The following EFCAB3 variants were observed in gnomAD, a reference collection of about 807,000 sequenced individuals.
EFCAB3 encodes EF-hand calcium binding domain 3, also known as EF-hand calcium-binding domain-containing protein 3.
A neutral mutation model predicts 42.2 loss-of-function variants in EFCAB3; 36 were observed. The observed-to-expected ratio is 0.85, with a 90% CI of 0.65 to 1.13. The LOEUF is 1.13. EFCAB3 is among the 50% of genes most tolerant of loss of function. The probability of loss-of-function intolerance (pLI) is 0.00; values close to 1 mark genes in which losing one functional copy is unlikely to be tolerated. For missense variants in EFCAB3, 418 were observed against 505.1 expected, an observed-to-expected ratio of 0.83 and a Z score of 1.65; for synonymous variants, 170 against 172.8, an observed-to-expected ratio of 0.98 and a Z score of 0.13.
intron 1 of EFCAB3, among the ~76,000 whole-genome samples, chr17:62,381,470 G>A (rs2070198028): frequency 6.6e-6 from 1 of 152,040 alleles, no homozygotes; most frequent in African/African-American, 2.4e-5. Flanking sequence ...TGGTCCATAA[G>A]CCCTGTTTCT....
At chr17:62,411,800 T>G (rs1292347851) in intron 8 of EFCAB3, among the ~76,000 whole-genome samples, 4 of 72,006 alleles carry the variant, frequency 5.6e-5, no homozygotes, top group Admixed American at 2.0e-4. Flanking sequence ...GAGAAAGAGA[T>G]GGAGGGAGGG....
intron 2 of EFCAB3, among the ~76,000 whole-genome samples, chr17:62,383,999 T>C (rs1172871018): frequency 6.6e-6 from 1 of 152,206 alleles, no homozygotes; most frequent in Non-Finnish European, 1.5e-5. Context: ...AATGAGAGCC[T>C]GATTTATATT....
At chr17:62,392,607 C>CT (rs2144080190) in intron 4 of EFCAB3, among the ~76,000 whole-genome samples, 1 of 151,962 alleles carries the variant, frequency 6.6e-6, no homozygotes, top group South Asian at 2.1e-4. Flanking sequence ...TGCCACAGCA[C>CT]TTTTGTTGGT....
chr17:62,400,656 C>G (rs1190391601), intron 6 of EFCAB3, among the ~76,000 whole-genome samples: 3 of 152,154 alleles, frequency 2.0e-5, no homozygotes, highest in Non-Finnish European at 2.9e-5. Context: ...GGTTCCAAGT[C>G]TTTGCTATTG....
chr17:62,411,359 A>G (rs1344547916), intron 8 of EFCAB3, among the ~76,000 whole-genome samples: 1 of 152,214 alleles, frequency 6.6e-6, no homozygotes, highest in Non-Finnish European at 1.5e-5. Flanking sequence ...GAATTTTTCT[A>G]AATTGATAAA....
rs1320045753 is a variant in EFCAB3 at position 62,380,641 on chromosome 17, A to G, written c.-18+28A>G. On this transcript the variant is annotated intron_variant, in intron 1 of 9. Coordinates refer to ENST00000305286, the MANE Select transcript of EFCAB3 (RefSeq NM_173503.4). ...AAATATCGTGATTTTGTAGGATTCT[A>G]TGCTAAGTCCTTTTTAAAAAATCTA... is the stretch of plus-strand genomic sequence containing the variant. The G allele has an allele frequency of 3.1e-6, 3 of 967,696 alleles. No individual in the cohort carries two copies. In the African/African-American group the frequency reaches 5.3e-5, roughly 17 times the overall value. The allele number at this position is 967,696 out of a possible 1,614,324, so 59.9% of individuals were successfully genotyped here. A position where few individuals can be genotyped will look rare whatever the true frequency, so the allele number is the denominator to read the frequency against.
intron 7 of EFCAB3, 118 bp downstream of exon 7, chr17:62,406,791 AC>A: frequency 9.2e-7 from 1 of 1,089,360 alleles, no homozygotes; most frequent in Non-Finnish European, 1.3e-6. Context: ...ATTCTGAGTG[AC>A]CACTCTCTGT....
intron 2 of EFCAB3, among the ~76,000 whole-genome samples, chr17:62,386,349 G>A (rs910564146): frequency 6.6e-6 from 1 of 151,960 alleles, no homozygotes; most frequent in African/African-American, 2.4e-5. Context: ...TAAATGAAAG[G>A]TCACCCAGGG....
chr17:62,408,947 G>A (rs2070471229), intron 8 of EFCAB3, among the ~76,000 whole-genome samples: 1 of 152,144 alleles, frequency 6.6e-6, no homozygotes, highest in African/African-American at 2.4e-5. Context: ...TGTCACTTTA[G>A]GAGGCCTCTC....
chr17:62,402,170 CAGCTTAAGGAGATT>C (rs1450465807), intron 6 of EFCAB3, among the ~76,000 whole-genome samples: 1 of 152,180 alleles, frequency 6.6e-6, no homozygotes, highest in Non-Finnish European at 1.5e-5. Context: ...AGTTGCTTAT[CAGCTTAAGGAGATT>C]TTGGGCTGAG....
chr17:62,376,607 T>C (rs932850673), upstream of EFCAB3, among the ~76,000 whole-genome samples: 1 of 152,222 alleles, frequency 6.6e-6, no homozygotes, highest in African/African-American at 2.4e-5. Flanking sequence ...GACATAGGCA[T>C]AATGGCAATG....
intron 3 of EFCAB3, among the ~76,000 whole-genome samples, chr17:62,389,684 C>G (rs1304008286): frequency 6.6e-6 from 1 of 152,148 alleles, no homozygotes; most frequent in Non-Finnish European, 1.5e-5. Flanking sequence ...TATCCATATA[C>G]TCTGCCTTCC....
chr17:62,370,736 A>G (rs1481488224), intron 1 of EFCAB3, among the ~76,000 whole-genome samples: 1 of 152,172 alleles, frequency 6.6e-6, no homozygotes. Flanking sequence ...TGTAACACCT[A>G]GAACATAGCT....
chr17:62,386,653 C>T (rs75590379), intron 2 of EFCAB3, among the ~76,000 whole-genome samples: 6,019 of 152,266 alleles, frequency 0.04, 391 homozygotes, highest in African/African-American at 0.14. Flanking sequence ...ATGGCCTTGA[C>T]TTTTGGAGTC....
Position 62,406,465 on chromosome 17 carries a change from C to CT in EFCAB3, c.489-5dup, listed in dbSNP as rs35484716. The CT allele has an allele frequency of 1.5e-3, 2,148 of 1,413,478 alleles. 1 individual carries two copies. The highest frequency in any genetic ancestry group is 4.1e-3 in the African/African-American group (279 of 68,446). 87.6% of individuals were successfully genotyped at this position (1,413,478 alleles called of 1,614,324 possible). A position where few individuals can be genotyped will look rare whatever the true frequency, so the allele number is the denominator to read the frequency against. ...TCTCTTTGTATCCATTTCTGAATTA[C>CT]TTTTTTTTTTAAAGCTATTTCCAAA... On this transcript the variant is annotated splice_polypyrimidine_tract_variant and intron_variant, in intron 6 of 9. Coordinates refer to ENST00000305286, the MANE Select transcript of EFCAB3 (RefSeq NM_173503.4).
intron 1 of EFCAB3, among the ~76,000 whole-genome samples, chr17:62,370,637 CAAGAGCGA>C (rs2070108309): frequency 6.6e-6 from 1 of 150,464 alleles, no homozygotes. Context: ...GCCTGGGCAA[CAAGAGCGA>C]AACTCTGTCT....
exon 2 of EFCAB3, chr17:62,373,844 T>C (rs578125210): frequency 1.3e-6 from 2 of 1,512,784 alleles, no homozygotes; most frequent in African/African-American, 1.4e-5. Context: ...AATTCAATAA[T>C]GGAGGGCCTG....
intron 2 of EFCAB3, among the ~76,000 whole-genome samples, chr17:62,384,580 G>A (rs2070232724): frequency 6.6e-6 from 1 of 152,144 alleles, no homozygotes; most frequent in Non-Finnish European, 1.5e-5. Flanking sequence ...GCACCACTGT[G>A]CTTCAGCCTG....
intron 2 of EFCAB3, among the ~76,000 whole-genome samples, chr17:62,385,795 C>T (rs111569249): frequency 2.9e-3 from 425 of 145,616 alleles, no homozygotes; most frequent in Non-Finnish European, 4.8e-3. Context: ...TCTCTGCTCA[C>T]TGCAAGCTCC....
Sources: allele counts gnomAD v4.1 joint callset (sites outside exome capture counted in the v4.1 genomes callset), GRCh38; gene constraint gnomAD v4.1.1; transcripts MANE v1.5; gene names NCBI Gene and HGNC (gene_info 2026-07-23, HGNC 2026-07-21).